Variants in UBTD2 observed in about 807,000 individuals in gnomAD.
UBTD2 encodes the protein ubiquitin domain-containing protein 2.
A neutral mutation model predicts 19.8 loss-of-function variants in UBTD2; 9 were observed. The observed-to-expected ratio is 0.46, with a 90% CI of 0.27 to 0.79. The LOEUF is 0.79. Ranked by LOEUF, UBTD2 falls within the 30% of genes least tolerant of loss-of-function variation. The pLI is 0.14. For missense variants in UBTD2, 250 were observed against 300.4 expected (o/e 0.83, Z 1.24); for synonymous variants, 98 against 103.9 (o/e 0.94, Z 0.35).
chr5:172,277,386 A>C (rs1442137707), intron 1 of UBTD2, among the ~76,000 whole-genome samples: 1 of 152,186 alleles, frequency 6.6e-6, no homozygotes, highest in Non-Finnish European at 1.5e-5. Flanking sequence ...CAGAAGAAAA[A>C]AATAGATAAA....
chr5:172,255,098 G>A (rs1755111100), intron 1 of UBTD2: 1 of 490,234 alleles, frequency 2.0e-6, no homozygotes, highest in African/African-American at 2.0e-5. Flanking sequence ...AAGGCTGCCA[G>A]CCTGGAGAAG....
intron 1 of UBTD2, among the ~76,000 whole-genome samples, chr5:172,236,391 T>C (rs376454348): frequency 5.3e-5 from 8 of 152,348 alleles, no homozygotes; most frequent in African/African-American, 1.9e-4. Flanking sequence ...ACACTACAGA[T>C]GTGCCTATTA....
intron 1 of UBTD2, among the ~76,000 whole-genome samples, chr5:172,269,496 A>T (rs573385103): frequency 7.9e-5 from 12 of 151,954 alleles, no homozygotes; most frequent in African/African-American, 2.9e-4. Flanking sequence ...GTCTCAAAAA[A>T]AAAAAAAAAA....
At chr5:172,259,299 C>T (rs1183508607) in intron 1 of UBTD2, among the ~76,000 whole-genome samples, 3 of 151,950 alleles carry the variant, frequency 2.0e-5, no homozygotes, top group East Asian at 3.9e-4. Context: ...CCCACCACCA[C>T]GCCTGGCTAA....
chr5:172,267,218 C>T (rs1385682130), intron 1 of UBTD2, among the ~76,000 whole-genome samples: 2 of 152,106 alleles, frequency 1.3e-5, no homozygotes, highest in Non-Finnish European at 2.9e-5. Flanking sequence ...AAAAGTTCCA[C>T]AAATGTTAAG....
At chr5:172,242,501 A>C (rs912783706) in intron 1 of UBTD2, 13 of 864,562 alleles carry the variant, frequency 1.5e-5, no homozygotes, top group Non-Finnish European at 1.7e-5. Flanking sequence ...AAGACATTTT[A>C]ACTTGTTCCT....
At chr5:172,263,435 G>A (rs1330346478) in intron 1 of UBTD2, among the ~76,000 whole-genome samples, 1 of 152,152 alleles carries the variant, frequency 6.6e-6, no homozygotes, top group Non-Finnish European at 1.5e-5. Flanking sequence ...TACAAAGCAT[G>A]TAATATAAAG....
intron 2 of UBTD2, among the ~76,000 whole-genome samples, chr5:172,220,977 G>A (rs1581209934): frequency 6.6e-6 from 1 of 152,148 alleles, no homozygotes. Context: ...CATCAGCAAT[G>A]AGCAAGTAGA....
intron 1 of UBTD2, among the ~76,000 whole-genome samples, chr5:172,235,430 T>C (rs2113895186): frequency 6.6e-6 from 1 of 152,322 alleles, no homozygotes; most frequent in South Asian, 2.1e-4. Flanking sequence ...TCTCTGGAAC[T>C]CAAACAGGAA....
Position 172,227,695 on chromosome 5 carries a change from CTTTTTTTTT to C in UBTD2, c.307+6418_307+6426del, listed in dbSNP as rs1164255222. Among the ~76,000 whole-genome samples, 277 of 72,174 alleles carry C rather than the reference CTTTTTTTTT, an allele frequency of 3.8e-3. 1 individual carries two copies. The highest frequency in any genetic ancestry group is 5.8e-3 in the Admixed American group (32 of 5,482). 47.3% of individuals were successfully genotyped at this position (72,174 alleles called of 152,430 possible). A position where few individuals can be genotyped will look rare whatever the true frequency, so the allele number is the denominator to read the frequency against. ...ACCATGCCTGGCCAAATGAAAAATTCTTTTTTTTTTTTTTTTTTTTTTTTTTGAGACAGA... is the reference window on the plus strand; with the variant it reads ...ACCATGCCTGGCCAAATGAAAAATTCTTTTTTTTTTTTTTTTTGAGACAGA... On this transcript the variant is annotated intron_variant, in intron 2 of 2. Transcript: ENST00000393792.
chr5:172,254,961 T>C, intron 1 of UBTD2: 1 of 555,180 alleles, frequency 1.8e-6, no homozygotes, highest in African/African-American at 1.9e-5. Flanking sequence ...TGGAGGTGAC[T>C]CATGTACATA....
At chr5:172,230,053 A>C (rs1214075914) in intron 2 of UBTD2, among the ~76,000 whole-genome samples, 1 of 152,226 alleles carries the variant, frequency 6.6e-6, no homozygotes, top group Non-Finnish European at 1.5e-5. Flanking sequence ...AGGGCAGGAA[A>C]ACTGAAAGGT....
intron 2 of UBTD2, among the ~76,000 whole-genome samples, chr5:172,225,931 C>CTAT (rs1771753098): frequency 8.4e-6 from 1 of 119,050 alleles, no homozygotes; most frequent in Non-Finnish European, 1.7e-5. Context: ...AAGGCTTAAA[C>CTAT]TCTTTTTTTT....
intron 1 of UBTD2, chr5:172,254,462 T>C: frequency 2.0e-6 from 1 of 496,604 alleles, no homozygotes; most frequent in Non-Finnish European, 3.7e-6. Context: ...ACTGTAAAGG[T>C]TTGATTCCAG....
At position 172,237,778 on chromosome 5, in the gene UBTD2, G is replaced by A. The variant is rs117517638; in HGVS notation, c.71-3420C>T. 2.3e-4 allele frequency among the ~76,000 whole-genome samples: 35 copies of A among 152,288 alleles called. No individual in the cohort carries two copies. The East Asian group carries it at 6.7e-3, about 29-fold the overall frequency. ...ATATTCATAAACCACTCATAATAAT[G>A]CATGATATACAATAAAACTGCAAAT... On this transcript the variant is annotated intron_variant, in intron 1 of 2. Coordinates refer to ENST00000393792, the MANE Select transcript of UBTD2 (RefSeq NM_152277.3).
intron 2 of UBTD2, among the ~76,000 whole-genome samples, chr5:172,228,112 A>G (rs1402311837): frequency 6.6e-6 from 1 of 152,228 alleles, no homozygotes; most frequent in Admixed American, 6.5e-5. Flanking sequence ...TCTTAAGAGA[A>G]TCTGCTTTTT....
intron 1 of UBTD2, chr5:172,255,135 GGAA>G (rs1307999005): frequency 1.1e-5 from 5 of 465,682 alleles, no homozygotes; most frequent in Middle Eastern, 3.5e-4. Flanking sequence ...TTGGTGGGCT[GGAA>G]GAAGGCATGC....
chr5:172,275,196 C>T (rs945550582), intron 1 of UBTD2, among the ~76,000 whole-genome samples: 9 of 152,154 alleles, frequency 5.9e-5, no homozygotes. Flanking sequence ...AAGTGCCGAG[C>T]AAAAGCGGGG....
intron 2 of UBTD2, 138 bp from the exon 3 acceptor site, chr5:172,212,365 AT>A: frequency 1.1e-6 from 1 of 922,676 alleles, no homozygotes; most frequent in Non-Finnish European, 1.6e-6. Context: ...ATCATCAATG[AT>A]TATCAAATCC....
Sources: gnomAD v4.1 joint callset for allele counts (sites outside exome capture counted in the v4.1 genomes callset) on GRCh38, gnomAD v4.1.1 for gene constraint, MANE v1.5 for transcripts, NCBI Gene and HGNC (gene_info 2026-07-23, HGNC 2026-07-21) for gene names.